RET: variants seen among roughly 807,000 people sequenced by gnomAD.
RET encodes the protein ret proto-oncogene.
In RET, 19 loss-of-function variants were observed where a neutral mutation model predicts 118.3. The ratio of observed to expected loss-of-function variants is 0.16; its 90% CI spans 0.11 to 0.24. The LOEUF (loss-of-function observed/expected upper bound fraction) is 0.24. Among genes scored for constraint, RET ranks in the 10% least tolerant of loss-of-function variants. RET has a pLI of 1.00. For missense variants in RET, 1,219 were observed against 1,502.1 expected, an observed-to-expected ratio of 0.81 and a Z score of 3.12; for synonymous variants, 597 against 644.1, an observed-to-expected ratio of 0.93 and a Z score of 1.11.
intron 1 of RET, among the ~76,000 whole-genome samples, chr10:43,093,786 G>C (rs1303227802): frequency 6.6e-6 from 1 of 152,170 alleles, no homozygotes; most frequent in Admixed American, 6.5e-5. Flanking sequence ...CAGACCTTAT[G>C]TAGAGTGGAG....
chr10:43,104,520 C>CA (rs201859195), intron 3 of RET, among the ~76,000 whole-genome samples: 194 of 150,924 alleles, frequency 1.3e-3, no homozygotes, highest in Admixed American at 2.8e-3. Context: ...CCATCAAAAA[C>CA]AAAAAAAAAG....
intron 4 of RET, 39 bp downstream of exon 4, chr10:43,105,232 T>C (rs1331413312): frequency 6.2e-7 from 1 of 1,611,708 alleles, no homozygotes; most frequent in South Asian, 1.1e-5. Flanking sequence ...CCAGTGTCTG[T>C]CTCCGGCCAC....
chr10:43,103,854 G>A (rs918313877), intron 3 of RET, among the ~76,000 whole-genome samples: 1 of 152,222 alleles, frequency 6.6e-6, no homozygotes, highest in African/African-American at 2.4e-5. Context: ...GCAAGGCATG[G>A]TTCTGCCTGG....
intron 1 of RET, among the ~76,000 whole-genome samples, chr10:43,080,073 G>A (rs753604353): frequency 7.2e-5 from 11 of 152,234 alleles, no homozygotes; most frequent in Non-Finnish European, 1.0e-4. Context: ...CCTTTCTTCT[G>A]CAGAATCACT....
intron 1 of RET, among the ~76,000 whole-genome samples, chr10:43,098,508 G>A (rs556319388): frequency 1.3e-4 from 18 of 142,078 alleles, no homozygotes; most frequent in Admixed American, 3.9e-4. Context: ...TACAACCTCC[G>A]CCTCGTGGGT....
chr10:43,096,773 A>G (rs2132631632), intron 1 of RET, among the ~76,000 whole-genome samples: 1 of 152,264 alleles, frequency 6.6e-6, no homozygotes, highest in East Asian at 1.9e-4. Context: ...ATTATGAAGA[A>G]TTTCAAGACT....
At chr10:43,127,985 T>C (rs1300118358) in intron 19 of RET, 127 bp from the exon 20 acceptor site, 2 of 928,498 alleles carry the variant, frequency 2.2e-6, no homozygotes, top group East Asian at 4.8e-5. Context: ...ACAAAACCAT[T>C]AATATAATTG....
rs1838023752 is a variant in RET, at chr10:43,114,582, A to G, written c.1982A>G (p.His661Arg). ...LLSAFCIHCY[H>R]KFAHKPPISS... The stretch of plus-strand genomic sequence containing the variant: ...TCTGCCTTCTGCATCCACTGCTACC[A>G]CAAGTTTGCCCACAAGCCACCCATC... Residue 661 changes from histidine to arginine, a missense_variant, in exon 11 of 20, where the codon CAC becomes CGC. His to Arg is a conservative substitution (Grantham distance 29, BLOSUM62 0). Around this residue, in one of 5 missense-constraint regions of RET, gnomAD observed 850 missense variants for 969.6 expected, o/e 0.88. Transcript: ENST00000355710. The surrounding 1 kb of genome is among the most constrained non-coding windows in gnomAD (Gnocchi z 4.6). 6.2e-7 allele frequency: 1 copy of G among 1,611,942 alleles called. No individual in the cohort carries two copies. The highest frequency in any genetic ancestry group is 1.3e-5 in the African/African-American group (1 of 74,706).
chr10:43,097,816 C>T (rs554412287), intron 1 of RET, among the ~76,000 whole-genome samples: 1 of 152,060 alleles, frequency 6.6e-6, no homozygotes, highest in Non-Finnish European at 1.5e-5. Context: ...TGGAGGAGCC[C>T]AGCGGCCCTG....
intron 1 of RET, among the ~76,000 whole-genome samples, chr10:43,090,919 G>A (rs1160769339): frequency 6.6e-6 from 1 of 151,100 alleles, no homozygotes; most frequent in Non-Finnish European, 1.5e-5. Flanking sequence ...CCTGGATGCT[G>A]TGGTCTCATG....
chr10:43,110,746 G>A (rs1030415800), intron 6 of RET, among the ~76,000 whole-genome samples: 3 of 152,180 alleles, frequency 2.0e-5, no homozygotes, highest in African/African-American at 7.2e-5. Context: ...ACCAGGGCAG[G>A]GTGGACCTCT....
At chr10:43,116,780 G>A (rs767679916) in intron 12 of RET, 49 bp downstream of exon 12, 2 of 1,262,096 alleles carry the variant, frequency 1.6e-6, no homozygotes, top group Non-Finnish European at 2.3e-6. Context: ...CTCCGGGGCG[G>A]GGGGCGGGTG....
intron 1 of RET, among the ~76,000 whole-genome samples, chr10:43,100,041 T>C (rs576681206): frequency 3.9e-5 from 6 of 152,236 alleles, no homozygotes; most frequent in Admixed American, 2.0e-4. Flanking sequence ...TGCAGGGTCA[T>C]ATGGTAGGCG....
chr10:43,114,772 C>T lies in RET; in HGVS notation c.2136+36C>T. 1 of 1,579,190 alleles carries T rather than the reference C, an allele frequency of 6.3e-7. No homozygotes were observed. The highest frequency in any genetic ancestry group is 8.6e-7 in the Non-Finnish European group (1 of 1,166,600). On this transcript the variant is annotated intron_variant, in intron 11 of 19. Transcript: ENST00000355710. This position sits in a 1 kb window ranked among gnomAD's most constrained non-coding sequence, Gnocchi z 4.6. ...CTGCGGGGCAGGGAAGATCCCCTGC[C>T]CTCCCCAGCTGCCTTCCAGGGAGGG...
chr10:43,118,872 G>A (rs752226119), intron 13 of RET, among the ~76,000 whole-genome samples: 7 of 152,232 alleles, frequency 4.6e-5, no homozygotes, highest in Non-Finnish European at 8.8e-5. Flanking sequence ...GTGACCTCAG[G>A]TGACCCCAGC....
Position 43,109,024 on chromosome 10 carries a change from C to A in RET, c.1064-7C>A. ...CTTGGTGGTCATTGTTGTGCCCCTA[C>A]CTGCAGGGCTGGTTCTCAACCGGAA... On this transcript the variant is annotated splice_polypyrimidine_tract_variant and splice_region_variant and intron_variant, in intron 5 of 19. Transcript: ENST00000355710. 1 of 1,611,660 alleles carries A rather than the reference C, an allele frequency of 6.2e-7. No individual in the cohort carries two copies. The highest frequency in any genetic ancestry group is 8.5e-7 in the Non-Finnish European group (1 of 1,179,942).
At chr10:43,123,649 C>G in intron 16 of RET, 22 bp from the exon 17 acceptor site, 1 of 1,614,046 alleles carries the variant, frequency 6.2e-7, no homozygotes, top group Non-Finnish European at 8.5e-7. Flanking sequence ...GAGCCACTCA[C>G]TGGTCCTTTC....
intron 1 of RET, among the ~76,000 whole-genome samples, chr10:43,079,093 C>T (rs1837120218): frequency 6.6e-6 from 1 of 152,204 alleles, no homozygotes; most frequent in South Asian, 2.1e-4. Flanking sequence ...CCTCAAGCGC[C>T]CTCTTGCGGA....
chr10:43,105,725 T>G (rs933258169), intron 4 of RET, among the ~76,000 whole-genome samples: 1 of 151,972 alleles, frequency 6.6e-6, no homozygotes, highest in Non-Finnish European at 1.5e-5. Context: ...GCGTGGGGAC[T>G]GAGGTAGGTA....
Sources: gnomAD v4.1 joint callset for allele counts (sites outside exome capture counted in the v4.1 genomes callset) on GRCh38, gnomAD v4.1.1 for gene constraint, gnomAD v4.1.1 regional missense constraint, Gnocchi (gnomAD v3.1) non-coding constraint, MANE v1.5 for transcripts, NCBI Gene and HGNC (gene_info 2026-07-23, HGNC 2026-07-21) for gene names.